The following ILRUN variants were observed in gnomAD, a reference collection of about 807,000 sequenced individuals.
ILRUN encodes protein ILRUN.
ILRUN carries 3 observed loss-of-function variants against 33.8 expected under a neutral mutation model. The observed-to-expected ratio is 0.09, with a 90% CI of 0.04 to 0.23. The LOEUF is 0.23. Among genes scored for constraint, ILRUN ranks in the 10% least tolerant of loss-of-function variants. The probability of loss-of-function intolerance (pLI) is 1.00; values close to 1 mark genes in which losing one functional copy is unlikely to be tolerated. For missense variants in ILRUN, 210 were observed against 375.1 expected, an observed-to-expected ratio of 0.56 and a Z score of 3.64; for synonymous variants, 124 against 138.9, an observed-to-expected ratio of 0.89 and a Z score of 0.75.
At chr6:34,652,806 G>A (rs1367618791) in intron 2 of ILRUN, among the ~76,000 whole-genome samples, 6 of 152,044 alleles carry the variant, frequency 3.9e-5, no homozygotes, top group African/African-American at 1.2e-4. Flanking sequence ...AACATAAATT[G>A]TCATTAGATG....
intron 1 of ILRUN, among the ~76,000 whole-genome samples, chr6:34,677,318 A>AT (rs1200957438): frequency 6.6e-6 from 1 of 152,040 alleles, no homozygotes; most frequent in East Asian, 1.9e-4. Flanking sequence ...AAGGAAAAAA[A>AT]GAGAGAGAGA....
chr6:34,685,219 A>G (rs1763488523), intron 1 of ILRUN: 1 of 152,250 alleles, frequency 6.6e-6, no homozygotes, highest in Non-Finnish European at 1.5e-5. Flanking sequence ...TGGGGTGTCC[A>G]GAAAAGAGAG....
At chr6:34,679,063 T>C (rs1406557443) in intron 1 of ILRUN, among the ~76,000 whole-genome samples, 1 of 150,112 alleles carries the variant, frequency 6.7e-6, no homozygotes, top group East Asian at 1.9e-4. Context: ...TTGGCGACAA[T>C]CTGTATACCA....
intron 1 of ILRUN, among the ~76,000 whole-genome samples, chr6:34,673,322 C>G (rs974161297): frequency 1.3e-5 from 2 of 152,094 alleles, no homozygotes; most frequent in Non-Finnish European, 2.9e-5. Flanking sequence ...GTAGGTCCAA[C>G]GTTCTAGAAA....
intron 1 of ILRUN, among the ~76,000 whole-genome samples, chr6:34,671,070 G>A (rs2815005): frequency 0.17 from 25,176 of 151,902 alleles, 2,280 homozygotes; most frequent in African/African-American, 0.23. Context: ...GTATTTTTCC[G>A]AATTATACAA....
chr6:34,663,358 G>A (rs1190795482), intron 1 of ILRUN, among the ~76,000 whole-genome samples: 1 of 152,178 alleles, frequency 6.6e-6, no homozygotes, highest in African/African-American at 2.4e-5. Context: ...AGGAGGTTGA[G>A]GCTGCAGTGA....
chr6:34,690,229 G>A (rs1218643205), intron 1 of ILRUN, among the ~76,000 whole-genome samples: 2 of 152,134 alleles, frequency 1.3e-5, no homozygotes, highest in African/African-American at 2.4e-5. Context: ...GGGAGGCTGA[G>A]GCAGGCAGAT....
chr6:34,696,519 A>C lies in ILRUN; in HGVS notation c.85T>G (p.Ser29Ala). The C allele has an allele frequency of 1.9e-6, 3 of 1,613,282 alleles. No homozygotes were observed. Among genetic ancestry groups the C allele is most frequent in the Non-Finnish European group, 2.5e-6 (3 of 1,179,764 alleles). The stretch of plus-strand genomic sequence containing the variant: ...AAGCCGAGCAGCCTCTGGAACTCGG[A>C]GATGAGCACGTCCTTGTCGGTGGTG... ...LGTTDKDVLI[S>A]EFQRLLGFQL... Residue 29 changes from serine (S) to alanine (A), a missense_variant, in exon 1 of 5, where the codon TCC (serine) becomes GCC (alanine). This residue lies in a region of ILRUN where 61 missense variants were observed against 94.4 expected (regional missense o/e 0.65). Transcript: ENST00000374023.
intron 3 of ILRUN, among the ~76,000 whole-genome samples, chr6:34,637,779 AC>A (rs372271026): frequency 1.3e-3 from 201 of 152,224 alleles, no homozygotes; most frequent in African/African-American, 4.6e-3. Flanking sequence ...AAGGTTCAAG[AC>A]CCACATATAT....
chr6:34,680,915 G>A (rs1344288797), intron 1 of ILRUN, among the ~76,000 whole-genome samples: 2 of 151,838 alleles, frequency 1.3e-5, no homozygotes, highest in East Asian at 1.9e-4. Context: ...AAGGACAAGT[G>A]CTGTTTATGT....
chr6:34,588,346 C>T lies in ILRUN; in HGVS notation c.*2219G>A. The stretch of plus-strand genomic sequence containing the variant: ...CCACTGACGGTGGCCCATGAAGCCC[C>T]TGCTGGGAAACTGGGAAGGGGCACC... On this transcript the variant is annotated 3_prime_UTR_variant, in exon 5 of 5. Coordinates refer to ENST00000374023, the MANE Select transcript of ILRUN (RefSeq NM_024294.4). The T allele has an allele frequency of 2.5e-6, 1 of 397,820 alleles. No individual in the cohort carries two copies. Among genetic ancestry groups the T allele is most frequent in the Non-Finnish European group, 4.4e-6 (1 of 225,996 alleles). 24.6% of individuals were successfully genotyped at this position (397,820 alleles called of 1,614,324 possible).
chr6:34,597,179 T>A (rs535331457), intron 4 of ILRUN, among the ~76,000 whole-genome samples: 11 of 152,348 alleles, frequency 7.2e-5, no homozygotes, highest in African/African-American at 2.6e-4. Context: ...TATTCAAAGT[T>A]TCTACGTGGA....
chr6:34,695,852 T>G (rs1020673884), intron 1 of ILRUN, among the ~76,000 whole-genome samples: 8 of 147,114 alleles, frequency 5.4e-5, no homozygotes, highest in African/African-American at 1.0e-4. Context: ...CATACCCCCT[T>G]GTCTTCCCCC....
intron 1 of ILRUN, among the ~76,000 whole-genome samples, chr6:34,673,163 G>T (rs574819733): frequency 6.6e-6 from 1 of 152,102 alleles, no homozygotes; most frequent in Non-Finnish European, 1.5e-5. Context: ...ATTTCAGAAT[G>T]CAAAAGTTTC....
intron 4 of ILRUN, among the ~76,000 whole-genome samples, chr6:34,605,138 C>T (rs1761598702): frequency 6.6e-6 from 1 of 152,006 alleles, no homozygotes; most frequent in Non-Finnish European, 1.5e-5. Flanking sequence ...GAAACCCCAT[C>T]TCTACTAACA....
chr6:34,590,612 T>C lies in ILRUN; in HGVS notation c.862-12A>G. On this transcript the variant is annotated splice_polypyrimidine_tract_variant and intron_variant, in intron 4 of 4. Transcript: ENST00000374023. ...GGCCCATGGAGCCCCTGGAAGAGAG[T>C]GAAGATAGTCAGTGATGGTACACAT... 1 of 1,579,060 alleles carries C rather than the reference T, an allele frequency of 6.3e-7. No homozygotes were observed. The highest frequency in any genetic ancestry group is 8.7e-7 in the Non-Finnish European group (1 of 1,148,230).
intron 4 of ILRUN, chr6:34,596,095 G>A (rs1204313419): frequency 2.2e-5 from 4 of 183,058 alleles, no homozygotes; most frequent in African/African-American, 9.5e-5. Flanking sequence ...AAACCCATTA[G>A]TCTCTCATTA....
intron 3 of ILRUN, among the ~76,000 whole-genome samples, chr6:34,635,716 G>A (rs1346924371): frequency 6.7e-6 from 1 of 150,106 alleles, no homozygotes; most frequent in Non-Finnish European, 1.5e-5. Flanking sequence ...CTGGCCTCCT[G>A]GGTTCAAGTG....
intron 1 of ILRUN, among the ~76,000 whole-genome samples, chr6:34,689,621 C>G (rs1366591541): frequency 2.0e-5 from 3 of 151,928 alleles, no homozygotes; most frequent in Non-Finnish European, 1.5e-5. Context: ...TACATATAAA[C>G]CACAGCATAG....
Sources: allele counts gnomAD v4.1 joint callset (sites outside exome capture counted in the v4.1 genomes callset), GRCh38; gene constraint gnomAD v4.1.1; regional missense constraint gnomAD v4.1.1; transcripts MANE v1.5; gene names NCBI Gene and HGNC (gene_info 2026-07-23, HGNC 2026-07-21).